MAPK8: variants seen among roughly 807,000 people sequenced by gnomAD.
MAPK8 encodes JUN N-terminal kinase.
Under a neutral mutation model 52.9 loss-of-function variants are expected in MAPK8, and 13 were observed. The observed-to-expected ratio is 0.25, with a 90% confidence interval of 0.16 to 0.39. The LOEUF is 0.39. MAPK8 is among the 10% of genes least tolerant of loss of function. MAPK8 has a pLI of 1.00. For missense variants in MAPK8, 300 were observed against 519.2 expected (o/e 0.58, Z 4.10); for synonymous variants, 191 against 169.8 (o/e 1.12, Z -0.97).
chr10:48,323,471 C>T (rs376510256), intron 1 of MAPK8, among the ~76,000 whole-genome samples: 25 of 152,202 alleles, frequency 1.6e-4, no homozygotes, highest in East Asian at 7.7e-4. Flanking sequence ...TATAAATCTG[C>T]GCAGCCAGTA....
At chr10:48,378,750 A>T (rs547675536) in intron 1 of MAPK8, among the ~76,000 whole-genome samples, 180 of 151,860 alleles carry the variant, frequency 1.2e-3, no homozygotes, top group African/African-American at 4.0e-3. Flanking sequence ...TATATATATA[A>T]AATGTATACA....
chr10:48,369,964 A>T (rs187262809), intron 1 of MAPK8, among the ~76,000 whole-genome samples: 5 of 152,306 alleles, frequency 3.3e-5, no homozygotes, highest in African/African-American at 1.2e-4. Flanking sequence ...AAATATAAAC[A>T]GTGCTTGAGC....
intron 3 of MAPK8, among the ~76,000 whole-genome samples, chr10:48,405,779 A>G (rs980691738): frequency 2.0e-5 from 3 of 152,238 alleles, no homozygotes; most frequent in African/African-American, 4.8e-5. Flanking sequence ...AAGAGTTTAT[A>G]TAATATAATG....
At chr10:48,373,261 G>A (rs528977178) in intron 1 of MAPK8, among the ~76,000 whole-genome samples, 1 of 152,072 alleles carries the variant, frequency 6.6e-6, no homozygotes, top group African/African-American at 2.4e-5. Flanking sequence ...AGGAACAACT[G>A]GTACTAGCCA....
intron 1 of MAPK8, among the ~76,000 whole-genome samples, chr10:48,321,346 A>G (rs1047632619): frequency 1.3e-5 from 2 of 152,064 alleles, no homozygotes; most frequent in East Asian, 1.9e-4. Flanking sequence ...TTGGCCTCCA[A>G]AAGTGCTGGG....
At chr10:48,342,511 A>G (rs1845392341) in intron 1 of MAPK8, among the ~76,000 whole-genome samples, 2 of 152,270 alleles carry the variant, frequency 1.3e-5, no homozygotes, top group South Asian at 4.1e-4. Context: ...CAGATTTTAA[A>G]TAAGAAAACA....
chr10:48,431,854 A>C (rs1012078558), intron 11 of MAPK8, among the ~76,000 whole-genome samples: 2 of 152,214 alleles, frequency 1.3e-5, no homozygotes, highest in Non-Finnish European at 2.9e-5. Flanking sequence ...AATGGCAGGT[A>C]ACATGTACAC....
intron 1 of MAPK8, among the ~76,000 whole-genome samples, chr10:48,334,337 C>T (rs10745269): frequency 0.5 from 76,522 of 151,968 alleles, 19,881 homozygotes; most frequent in Middle Eastern, 0.73. Flanking sequence ...CTTGCACACC[C>T]CGAGAATCGC....
At chr10:48,360,104 T>C (rs1054353423) in intron 1 of MAPK8, among the ~76,000 whole-genome samples, 1 of 152,078 alleles carries the variant, frequency 6.6e-6, no homozygotes, top group Non-Finnish European at 1.5e-5. Context: ...GAGATGTAGG[T>C]TGCAGTGAGC....
At chr10:48,398,281 AT>A (rs1257457887) in intron 1 of MAPK8, among the ~76,000 whole-genome samples, 4 of 152,210 alleles carry the variant, frequency 2.6e-5, no homozygotes, top group African/African-American at 7.2e-5. Context: ...AGACAGCCGT[AT>A]TTTTACAATA....
At chr10:48,355,809 C>T (rs1489434076) in intron 1 of MAPK8, among the ~76,000 whole-genome samples, 1 of 152,132 alleles carries the variant, frequency 6.6e-6, no homozygotes, top group Non-Finnish European at 1.5e-5. Context: ...TAAATCCTCA[C>T]TTAGCCTTGT....
At chr10:48,431,031 AT>A in intron 10 of MAPK8, 161 bp from the exon 11 acceptor site, 1 of 643,608 alleles carries the variant, frequency 1.6e-6, no homozygotes, top group Non-Finnish European at 2.8e-6. Context: ...ATTGTTATTA[AT>A]TAACATCCTT....
At chr10:48,368,164 CA>C (rs1313623271) in intron 1 of MAPK8, among the ~76,000 whole-genome samples, 72 of 152,144 alleles carry the variant, frequency 4.7e-4, no homozygotes, top group Admixed American at 4.5e-3. Context: ...TAGATTAATT[CA>C]AAAATATTTG....
At chr10:48,360,156 G>A (rs926483672) in intron 1 of MAPK8, among the ~76,000 whole-genome samples, 4 of 152,008 alleles carry the variant, frequency 2.6e-5, no homozygotes, top group East Asian at 1.9e-4. Flanking sequence ...TACAAAGTGA[G>A]ACTCTGTCTA....
chr10:48,342,306 G>C (rs951975875), intron 1 of MAPK8, among the ~76,000 whole-genome samples: 2 of 151,920 alleles, frequency 1.3e-5, no homozygotes, highest in African/African-American at 4.8e-5. Flanking sequence ...GTCTCACCAT[G>C]TTGCCCAGGC....
At chr10:48,353,069 C>T (rs916542601) in intron 1 of MAPK8, among the ~76,000 whole-genome samples, 1 of 152,006 alleles carries the variant, frequency 6.6e-6, no homozygotes, top group Non-Finnish European at 1.5e-5. Flanking sequence ...TGGATGAAAA[C>T]TATTAAATGT....
intron 1 of MAPK8, among the ~76,000 whole-genome samples, chr10:48,345,075 G>A (rs772616779): frequency 4.6e-5 from 7 of 152,082 alleles, no homozygotes; most frequent in Non-Finnish European, 8.8e-5. Context: ...TATAAGATGC[G>A]GCAGAATTCA....
intron 5 of MAPK8, 64 bp from the exon 6 acceptor site, chr10:48,420,091 A>C: frequency 8.0e-7 from 1 of 1,246,740 alleles, no homozygotes; most frequent in Non-Finnish European, 1.1e-6. Flanking sequence ...GTATAACTTT[A>C]TTGTGAACTG....
chr10:48,396,008 T>C (rs1417507912), intron 1 of MAPK8, among the ~76,000 whole-genome samples: 2 of 152,064 alleles, frequency 1.3e-5, no homozygotes, highest in Non-Finnish European at 2.9e-5. Context: ...CTATAAAACT[T>C]TTATAAGGAA....
Sources: gnomAD v4.1 joint callset for allele counts (sites outside exome capture counted in the v4.1 genomes callset) on GRCh38, gnomAD v4.1.1 for gene constraint, MANE v1.5 for transcripts, NCBI Gene and HGNC (gene_info 2026-07-23, HGNC 2026-07-21) for gene names.